The following NR2F1-AS1 variants were observed in gnomAD, a reference collection of about 807,000 sequenced individuals.
NR2F1-AS1 encodes the protein NR2F1 regulatory antisense RNA 1, also known as NR2F1 antisense RNA 1.
chr5:93,545,329 G>A (rs988578356), intron 4 of NR2F1-AS1, among the ~76,000 whole-genome samples: 1 of 152,180 alleles, frequency 6.6e-6, no homozygotes, highest in Non-Finnish European at 1.5e-5. Flanking sequence ...ACACCATAAA[G>A]TACTGGTGAC....
At chr5:93,498,988 G>C (rs761843418) in intron 4 of NR2F1-AS1, among the ~76,000 whole-genome samples, 13 of 151,834 alleles carry the variant, frequency 8.6e-5, no homozygotes, top group Non-Finnish European at 1.6e-4. Context: ...TTTTGATTTA[G>C]AGAAAAAATA....
At chr5:93,465,944 G>A (rs1182519442) in intron 4 of NR2F1-AS1, among the ~76,000 whole-genome samples, 3 of 151,824 alleles carry the variant, frequency 2.0e-5, no homozygotes, top group African/African-American at 4.8e-5. Flanking sequence ...GGTTGGGGGA[G>A]GGTTAGCATT....
intron 4 of NR2F1-AS1, among the ~76,000 whole-genome samples, chr5:93,469,575 G>A (rs1750322945): frequency 6.6e-6 from 1 of 152,028 alleles, no homozygotes; most frequent in Non-Finnish European, 1.5e-5. Context: ...AGACCTTGAA[G>A]TTTATCTAGT....
chr5:93,474,268 T>A (rs1036201933), intron 4 of NR2F1-AS1, among the ~76,000 whole-genome samples: 3 of 152,224 alleles, frequency 2.0e-5, no homozygotes, highest in Admixed American at 1.3e-4. Flanking sequence ...AAAAGAATTG[T>A]ATAGTAATTC....
chr5:93,558,869 T>G (rs947264662), intron 2 of NR2F1-AS1, among the ~76,000 whole-genome samples: 2 of 152,206 alleles, frequency 1.3e-5, no homozygotes, highest in Non-Finnish European at 2.9e-5. Flanking sequence ...GATGAACACA[T>G]GTGCTGTCAT....
At chr5:93,499,283 T>C (rs998458882) in intron 4 of NR2F1-AS1, among the ~76,000 whole-genome samples, 10 of 152,196 alleles carry the variant, frequency 6.6e-5, no homozygotes, top group African/African-American at 9.6e-5. Flanking sequence ...TTTACTGTGC[T>C]TCACTTTACT....
intron 1 of NR2F1-AS1, among the ~76,000 whole-genome samples, chr5:93,567,354 C>T (rs1377226173): frequency 6.6e-6 from 1 of 152,086 alleles, no homozygotes; most frequent in Non-Finnish European, 1.5e-5. Context: ...AGGAAATTTT[C>T]AATTACAAAT....
intron 4 of NR2F1-AS1, among the ~76,000 whole-genome samples, chr5:93,491,199 T>C (rs529927993): frequency 6.6e-6 from 1 of 150,738 alleles, no homozygotes; most frequent in East Asian, 2.0e-4. Flanking sequence ...GTGGTGGTGG[T>C]TGTTCCCGGT....
At chr5:93,452,779 G>A (rs1749864424) in intron 4 of NR2F1-AS1, among the ~76,000 whole-genome samples, 1 of 152,132 alleles carries the variant, frequency 6.6e-6, no homozygotes, top group Admixed American at 6.6e-5. Context: ...TAGGCTAAAG[G>A]CTGTTCTGGA....
chr5:93,515,524 T>C, intron 4 of NR2F1-AS1, among the ~76,000 whole-genome samples: 1 of 151,960 alleles, frequency 6.6e-6, no homozygotes, highest in East Asian at 1.9e-4. Flanking sequence ...TTGAAATTAT[T>C]TGATTAACAT....
rs959315548 is a variant in NR2F1-AS1, at chr5:93,574,346, C to T, written n.313+6121G>A. On this transcript the variant is annotated intron_variant and non_coding_transcript_variant, in intron 1 of 5. Coordinates refer to ENST00000660523, the Ensembl canonical transcript of NR2F1-AS1. The stretch of plus-strand genomic sequence containing the variant: ...ATTGTTTCTCCTGCTAGACAGTAAC[C>T]GGAGAAAACTGCTCAGTTCATGCTA... Among the ~76,000 whole-genome samples the T allele has an allele frequency of 5.9e-5, 9 of 152,208 alleles. 1 individual carries two copies. The highest frequency in any genetic ancestry group is 1.9e-4 in the East Asian group (1 of 5,178).
intron 4 of NR2F1-AS1, among the ~76,000 whole-genome samples, chr5:93,525,205 C>A (rs1048375890): frequency 6.6e-6 from 1 of 151,994 alleles, no homozygotes; most frequent in Non-Finnish European, 1.5e-5. Flanking sequence ...GCAGGGGTTA[C>A]AATCCTAGTC....
chr5:93,585,260 G>A (rs199844882), upstream of NR2F1-AS1: 2 of 1,584,950 alleles, frequency 1.3e-6, no homozygotes, highest in Non-Finnish European at 8.6e-7. Context: ...GTTCGGGCCA[G>A]AGCCAGCAGC....
rs1004895403 is a variant in NR2F1-AS1, at chr5:93,570,728, C to G, written n.314-7265G>C. 3 of 152,364 alleles carry G rather than the reference C, an allele frequency of 2.0e-5. No individual in the cohort carries two copies. In the South Asian group the frequency reaches 6.2e-4, roughly 32 times the overall value. 9.4% of individuals were successfully genotyped at this position (152,364 alleles called of 1,614,324 possible). A position where few individuals can be genotyped will look rare whatever the true frequency, so the allele number is the denominator to read the frequency against. On this transcript the variant is annotated intron_variant and non_coding_transcript_variant, in intron 1 of 5. Transcript: ENST00000660523. ...GAGAGCACGGCCTCTAGCCTTCCGC[C>G]GACGTCTCAGTGCGCAGATACCGCG...
intron 4 of NR2F1-AS1, among the ~76,000 whole-genome samples, chr5:93,431,565 A>G (rs1749325463): frequency 6.6e-6 from 1 of 152,236 alleles, no homozygotes; most frequent in African/African-American, 2.4e-5. Flanking sequence ...GCAGCTTGCC[A>G]GATTTCCATG....
intron 4 of NR2F1-AS1, among the ~76,000 whole-genome samples, chr5:93,450,350 C>T (rs1749800259): frequency 6.6e-6 from 1 of 152,024 alleles, no homozygotes; most frequent in Admixed American, 6.6e-5. Context: ...TAGTTGTTGT[C>T]CAAAATACCA....
At chr5:93,519,664 T>C (rs1047139400) in intron 4 of NR2F1-AS1, among the ~76,000 whole-genome samples, 1 of 152,046 alleles carries the variant, frequency 6.6e-6, no homozygotes, top group Non-Finnish European at 1.5e-5. Flanking sequence ...GACATGCATG[T>C]TAGAATCACC....
intron 4 of NR2F1-AS1, among the ~76,000 whole-genome samples, chr5:93,492,432 ATTAAT>A (rs1325724977): frequency 1.3e-4 from 20 of 152,212 alleles, no homozygotes; most frequent in African/African-American, 3.9e-4. Flanking sequence ...TTAAATAAGA[ATTAAT>A]TCTACCAAAC....
upstream of NR2F1-AS1, chr5:93,584,215 A>C (rs1171366800): frequency 2.7e-5 from 4 of 146,774 alleles, no homozygotes; most frequent in Non-Finnish European, 6.1e-5. Flanking sequence ...TGCGGCCCCG[A>C]CTCCTGCTCG....
Sources: gnomAD v4.1 joint callset for allele counts (sites outside exome capture counted in the v4.1 genomes callset) on GRCh38, gnomAD v4.1.1 for gene constraint, MANE v1.5 for transcripts, NCBI Gene and HGNC (gene_info 2026-07-23, HGNC 2026-07-21) for gene names.